GKN2: variants seen among roughly 807,000 people sequenced by gnomAD.
GKN2 encodes the protein gastrokine-2.
A neutral mutation model predicts 22.7 loss-of-function variants in GKN2; 17 were observed. That is an observed-to-expected ratio of 0.75 (90% CI 0.51 to 1.13). GKN2 has a LOEUF of 1.13. GKN2 is among the 50% of genes most tolerant of loss of function. The probability of loss-of-function intolerance (pLI) is 0.00; values close to 1 mark genes in which losing one functional copy is unlikely to be tolerated. For synonymous variants in GKN2, 82 were observed against 79.6 expected, an observed-to-expected ratio of 1.03 and a Z score of -0.16; for missense variants, 248 against 221.4, an observed-to-expected ratio of 1.12 and a Z score of -0.76.
intron 3 of GKN2, among the ~76,000 whole-genome samples, chr2:68,948,269 CTG>C (rs1669801915): frequency 2.1e-5 from 3 of 141,570 alleles, no homozygotes; most frequent in African/African-American, 7.8e-5. Flanking sequence ...AAAAAAAAAA[CTG>C]TGCTGTCCAA....
At position 68,952,889 on chromosome 2, in the gene GKN2, T is replaced by C. The variant is rs1429824115; in HGVS notation, c.-28A>G. 2 of 1,612,576 alleles carry C rather than the reference T, an allele frequency of 1.2e-6. No individual in the cohort carries two copies. The highest frequency in any genetic ancestry group is 2.2e-5 in the East Asian group (1 of 44,836). ...TGCCTGGGAGAGGAAGGTGCTGGAG[T>C]AAGTAAAGCTGCCCTGTGCAGCTTC... On this transcript the variant is annotated 5_prime_UTR_variant, in exon 1 of 6. Transcript: ENST00000328895.
At chr2:68,950,970 G>T (rs560160856) in intron 1 of GKN2, among the ~76,000 whole-genome samples, 4 of 152,158 alleles carry the variant, frequency 2.6e-5, no homozygotes, top group African/African-American at 9.6e-5. Flanking sequence ...CATTCTATTT[G>T]CCAGACACAG....
chr2:68,948,257 A>AAAAC (rs1669801394), intron 3 of GKN2, among the ~76,000 whole-genome samples: 7 of 132,292 alleles, frequency 5.3e-5, no homozygotes, highest in Admixed American at 7.4e-5. Flanking sequence ...AAAAAAAAAC[A>AAAAC]AAAAAAAAAA....
intron 1 of GKN2, among the ~76,000 whole-genome samples, chr2:68,951,391 A>G (rs962476031): frequency 2.6e-5 from 4 of 152,214 alleles, no homozygotes; most frequent in Admixed American, 2.6e-4. Context: ...GTGAGCTGAC[A>G]TTGAAGCAGT....
chr2:68,949,721 A>G (rs902354467), intron 3 of GKN2, among the ~76,000 whole-genome samples: 6 of 152,136 alleles, frequency 3.9e-5, no homozygotes, highest in African/African-American at 7.2e-5. Flanking sequence ...TGCCTGACCA[A>G]TTGTTCTTTT....
At position 68,948,846 on chromosome 2, in the gene GKN2, T is replaced by C. The variant is rs1017316489; in HGVS notation, c.204+1280A>G. The stretch of plus-strand genomic sequence containing the variant: ...AATAGACAGAGGCTGAGCCTGGTGA[T>C]AATGGAAGAAGCTTAAAGCAAATCC... On this transcript the variant is annotated intron_variant, in intron 3 of 5. Coordinates refer to ENST00000328895, the MANE Select transcript of GKN2 (RefSeq NM_182536.3). 5.3e-5 allele frequency among the ~76,000 whole-genome samples: 8 copies of C among 152,262 alleles called. No individual in the cohort carries two copies. The South Asian group carries it at 1.7e-3, about 31-fold the overall frequency.
At chr2:68,946,917 A>C (rs1278080269) in intron 4 of GKN2, among the ~76,000 whole-genome samples, 2 of 152,226 alleles carry the variant, frequency 1.3e-5, no homozygotes, top group Non-Finnish European at 2.9e-5. Flanking sequence ...AATTTATTAT[A>C]AATTCTTGTA....
intron 3 of GKN2, among the ~76,000 whole-genome samples, chr2:68,947,632 C>A (rs1170446340): frequency 6.6e-6 from 1 of 151,974 alleles, no homozygotes. Context: ...ACTCTGTTGC[C>A]CAGGCTGGAG....
chr2:68,950,212 CT>C lies in GKN2; in HGVS notation c.117del (p.Val40Ter), dbSNP rs1377762101. 2 of 1,613,700 alleles carry C rather than the reference CT, an allele frequency of 1.2e-6. No individual in the cohort carries two copies. Among genetic ancestry groups the C allele is most frequent in the Non-Finnish European group, 1.7e-6 (2 of 1,179,672 alleles). On this transcript the variant is annotated frameshift_variant, in exon 3 of 6. Coordinates refer to ENST00000328895, the MANE Select transcript of GKN2 (RefSeq NM_182536.3). LOFTEE classifies it high-confidence loss of function. ...PSNNGGNVQE[T>X]VTIDNEKNTA... is the part of the protein sequence containing the mutation. ...GTATTTTTTTCATTATCAATTGTCA[CT>C]GTCTCCTGAACATTGCCACCATTGT...
rs1669781475 is a variant in GKN2, at chr2:68,947,058, ATCT to A, written c.315+86_315+88del. The A allele has an allele frequency of 3.8e-6, 3 of 790,560 alleles. No homozygotes were observed. The African/African-American group carries it at 5.0e-5, about 13-fold the overall frequency. 49.0% of individuals were successfully genotyped at this position (790,560 alleles called of 1,614,324 possible). A position where few individuals can be genotyped will look rare whatever the true frequency, so the allele number is the denominator to read the frequency against. On this transcript the variant is annotated intron_variant, in intron 4 of 5. Coordinates refer to ENST00000328895, the MANE Select transcript of GKN2 (RefSeq NM_182536.3). ...ATTTATGGTAAGGCATGATAGTATG[ATCT>A]TCTCCCTCACACTCTTCATTTCTCC...
At chr2:68,949,422 A>G (rs1185266277) in intron 3 of GKN2, among the ~76,000 whole-genome samples, 1 of 151,378 alleles carries the variant, frequency 6.6e-6, no homozygotes, top group Non-Finnish European at 1.5e-5. Context: ...TTAATTATTT[A>G]TTTATTTATT....
chr2:68,945,299 T>C lies in GKN2; in HGVS notation c.*69A>G. 8.7e-7 allele frequency: 1 copy of C among 1,151,612 alleles called. No individual in the cohort carries two copies. The highest frequency in any genetic ancestry group is 1.3e-6 in the Non-Finnish European group (1 of 794,880). The allele number at this position is 1,151,612 out of a possible 1,614,324, so 71.3% of individuals were successfully genotyped here. On this transcript the variant is annotated 3_prime_UTR_variant, in exon 6 of 6. Transcript: ENST00000328895. ...TTAGTTGGGGCATTGGGAAAGAATT[T>C]AATTTGACTTTTGAGTGTAAACCAA... is the stretch of plus-strand genomic sequence containing the variant.
In GKN2 at chr2:68,950,873, G is replaced by C. The variant is rs1256765593; in HGVS notation, c.13-118C>G. On this transcript the variant is annotated intron_variant, in intron 1 of 5. Coordinates refer to ENST00000328895, the MANE Select transcript of GKN2 (RefSeq NM_182536.3). ...CAGAAAATGTACACCTAGAGACACT[G>C]AGTGGCCACAGATGGTCAGCACTCC... 4.3e-5 allele frequency: 42 copies of C among 977,654 alleles called. No homozygotes were observed. In the East Asian group the frequency reaches 9.6e-4, roughly 22 times the overall value. 60.6% of individuals were successfully genotyped at this position (977,654 alleles called of 1,614,324 possible). A position where few individuals can be genotyped will look rare whatever the true frequency, so the allele number is the denominator to read the frequency against.
Position 68,945,967 on chromosome 2 carries a change from G to T in GKN2, c.472+337C>A, listed in dbSNP as rs938732995. ...TTATCTTCAAAATATGCTATTCTAA[G>T]GGCCCAGATGACTTTTTGCTACTTG... On this transcript the variant is annotated intron_variant, in intron 5 of 5. Transcript: ENST00000328895. The T allele has an allele frequency of 3.1e-5, 11 of 352,540 alleles. No homozygotes were observed. The South Asian group carries it at 1.3e-3, about 42-fold the overall frequency. 21.8% of individuals were successfully genotyped at this position (352,540 alleles called of 1,614,324 possible).
In GKN2 at chr2:68,950,234, A is replaced by G. The variant is rs1187838916; in HGVS notation, c.96T>C (p.Asn32=). The G allele has an allele frequency of 6.2e-7, 1 of 1,613,458 alleles. No homozygotes were observed. Among genetic ancestry groups the G allele is most frequent in the African/African-American group, 1.3e-5 (1 of 74,912 alleles). ...EVFNIISPSN[N]GGNVQETVTI... is the part of the protein sequence containing the mutation. Reference sequence around the variant, plus strand: ...TCACTGTCTCCTGAACATTGCCACCATTGTTGCTTGGGCTGATGATGTTAA... The same window carrying G: ...TCACTGTCTCCTGAACATTGCCACCGTTGTTGCTTGGGCTGATGATGTTAA... The change falls in exon 3 of 6, where the codon AAT becomes AAC. Residue 32 remains asparagine, a synonymous_variant. Coordinates refer to ENST00000328895, the MANE Select transcript of GKN2 (RefSeq NM_182536.3).
chr2:68,947,782 G>C (rs1324940280), intron 3 of GKN2, among the ~76,000 whole-genome samples: 3 of 152,034 alleles, frequency 2.0e-5, no homozygotes, highest in African/African-American at 7.2e-5. Context: ...TAGAGATGGA[G>C]TTTCACCATA....
chr2:68,948,704 A>G (rs1558706718), intron 3 of GKN2, among the ~76,000 whole-genome samples: 1 of 152,218 alleles, frequency 6.6e-6, no homozygotes, highest in Non-Finnish European at 1.5e-5. Context: ...ACCTGGAGTG[A>G]AAATTGTCTC....
At chr2:68,947,280 A>C in intron 3 of GKN2, 23 bp from the exon 4 acceptor site, 1 of 1,464,474 alleles carries the variant, frequency 6.8e-7, no homozygotes, top group African/African-American at 1.4e-5. Flanking sequence ...GAGTACAGTT[A>C]CTGTTCCTCC....
chr2:68,950,481 A>G (rs1313525023), intron 2 of GKN2, among the ~76,000 whole-genome samples: 2 of 152,252 alleles, frequency 1.3e-5, no homozygotes, highest in Admixed American at 1.3e-4. Flanking sequence ...TGATATCACA[A>G]GAGAAATGAG....
Sources: allele counts gnomAD v4.1 joint callset (sites outside exome capture counted in the v4.1 genomes callset), GRCh38; gene constraint gnomAD v4.1.1; transcripts MANE v1.5; gene names NCBI Gene and HGNC (gene_info 2026-07-23, HGNC 2026-07-21).